SLC30A7: variants seen among roughly 807,000 people sequenced by gnomAD.
SLC30A7 encodes zinc transporter 7.
Under a neutral mutation model 46.0 loss-of-function variants are expected in SLC30A7, and 35 were observed. The ratio of observed to expected loss-of-function variants is 0.76; its 90% CI spans 0.58 to 1.01. The LOEUF (loss-of-function observed/expected upper bound fraction) is 1.01. Ranked by LOEUF, SLC30A7 falls within the 50% of genes least tolerant of loss-of-function variation. The pLI is 0.00. For synonymous variants in SLC30A7, 147 were observed against 157.8 expected (o/e 0.93, Z 0.51); for missense variants, 464 against 451.1 (o/e 1.03, Z -0.26).
At position 100,906,964 on chromosome 1, in the gene SLC30A7, G is replaced by A; in HGVS notation, c.295G>A (p.Gly99Arg). Residue 99 changes from glycine to arginine, a missense_variant and splice_region_variant, in exon 3 of 11, where the codon GGG (glycine) becomes AGG (arginine). By Grantham distance (125) the Gly-to-Arg change is moderately radical. Coordinates refer to ENST00000357650, the MANE Select transcript of SLC30A7 (RefSeq NM_133496.5). The stretch of plus-strand genomic sequence containing the variant: ...GAGAGATAATGATGCTTTCTCCTAT[G>A]GGTAAGACTTTAAGAAAAAAAATCT... ...KWRDNDAFSY[G>R]YVRAEVLAGF... 6.3e-7 allele frequency: 1 copy of A among 1,585,370 alleles called. No individual in the cohort carries two copies.
rs1656841408 is a variant in SLC30A7 at position 100,980,164 on chromosome 1, C to T, written c.*5307C>T. 6.6e-6 allele frequency: 1 copy of T among 152,028 alleles called. No homozygotes were observed. Among genetic ancestry groups the T allele is most frequent in the African/African-American group, 2.4e-5 (1 of 41,404 alleles). 9.4% of individuals were successfully genotyped at this position (152,028 alleles called of 1,614,324 possible). On this transcript the variant is annotated 3_prime_UTR_variant, in exon 11 of 11. Coordinates refer to ENST00000357650, the MANE Select transcript of SLC30A7 (RefSeq NM_133496.5). ...AAGGGACTGAATGAAAAGATAGTAC[C>T]CTTTGTGGCTGTATGAAGAGAGAAA... is the stretch of plus-strand genomic sequence containing the variant.
chr1:100,906,139 A>C (rs1651651518), intron 2 of SLC30A7, among the ~76,000 whole-genome samples: 1 of 152,278 alleles, frequency 6.6e-6, no homozygotes, highest in South Asian at 2.1e-4. Flanking sequence ...TGAATTTTTC[A>C]GTGGTTCCTA....
intron 10 of SLC30A7, chr1:100,972,354 T>C (rs1047822144): frequency 6.0e-5 from 14 of 232,714 alleles, no homozygotes; most frequent in Non-Finnish European, 8.4e-5. Flanking sequence ...GCAAAATGAC[T>C]TTTTTTTCTT....
intron 6 of SLC30A7, 137 bp downstream of exon 6, chr1:100,913,943 A>G: frequency 7.9e-7 from 1 of 1,265,564 alleles, no homozygotes; most frequent in Non-Finnish European, 1.1e-6. Context: ...AATGGTTCCC[A>G]GGGCTAGTTT....
At chr1:100,987,759 T>C in the SLC30A7 span, among the ~76,000 whole-genome samples, 1 of 152,114 alleles carries the variant, frequency 6.6e-6, no homozygotes, top group Non-Finnish European at 1.5e-5. Flanking sequence ...AGTCATTGTT[T>C]ATATGTTATA....
At chr1:100,941,938 A>C in intron 8 of SLC30A7, 1 of 293,488 alleles carries the variant, frequency 3.4e-6, no homozygotes, top group Admixed American at 4.3e-5. Flanking sequence ...CAACCCTCCA[A>C]TGAAAATGAA....
chr1:100,923,268 G>T (rs1291226430), intron 8 of SLC30A7, among the ~76,000 whole-genome samples: 2 of 105,688 alleles, frequency 1.9e-5, no homozygotes, highest in South Asian at 5.5e-4. Flanking sequence ...CGCCCGCCTC[G>T]GCCTCCCAAA....
intron 8 of SLC30A7, among the ~76,000 whole-genome samples, chr1:100,956,389 A>C (rs1655223117): frequency 6.6e-6 from 1 of 152,140 alleles, no homozygotes; most frequent in South Asian, 2.1e-4. Flanking sequence ...TATTTTTTAA[A>C]AAGGTGGTGG....
chr1:100,980,997 A>C lies in SLC30A7; in HGVS notation c.*6140A>C, dbSNP rs1402701869. 6.6e-6 allele frequency: 1 copy of C among 151,992 alleles called. No homozygotes were observed. Among genetic ancestry groups the C allele is most frequent in the African/African-American group, 2.4e-5 (1 of 41,410 alleles). 9.4% of individuals were successfully genotyped at this position (151,992 alleles called of 1,614,324 possible). On this transcript the variant is annotated 3_prime_UTR_variant, in exon 11 of 11. Coordinates refer to ENST00000357650, the MANE Select transcript of SLC30A7 (RefSeq NM_133496.5). ...TACTGATTTAAATATTCCCAGAATT[A>C]TTTTTTACCTTTCTCTTTTTCCTCT...
At chr1:100,924,680 G>C (rs376819374) in intron 8 of SLC30A7, among the ~76,000 whole-genome samples, 1 of 135,630 alleles carries the variant, frequency 7.4e-6, no homozygotes, top group East Asian at 2.1e-4. Flanking sequence ...AAAAAAAAAA[G>C]AAAAAAAAAA....
At position 100,981,444 on chromosome 1, in the gene SLC30A7, CAT is replaced by C. The variant is rs2101113662; in HGVS notation, c.*6590_*6591del. 1 of 152,264 alleles carries C rather than the reference CAT, an allele frequency of 6.6e-6. No individual in the cohort carries two copies. Among genetic ancestry groups the C allele is most frequent in the Non-Finnish European group, 1.5e-5 (1 of 67,990 alleles). 9.4% of individuals were successfully genotyped at this position (152,264 alleles called of 1,614,324 possible). ...CTCCCTGCCTTTAGTGGTATTTAAA[CAT>C]ATGGCCAAGTTAGTATTTGGGTTTG... On this transcript the variant is annotated 3_prime_UTR_variant, in exon 11 of 11. Coordinates refer to ENST00000357650, the MANE Select transcript of SLC30A7 (RefSeq NM_133496.5).
intron 8 of SLC30A7, among the ~76,000 whole-genome samples, chr1:100,960,216 C>T (rs1282666200): frequency 6.6e-6 from 1 of 152,098 alleles, no homozygotes; most frequent in Non-Finnish European, 1.5e-5. Context: ...TTCATTAGAT[C>T]CAGTTAGACA....
the SLC30A7 span, among the ~76,000 whole-genome samples, chr1:100,993,571 T>C: frequency 1.9e-4 from 15 of 78,836 alleles, no homozygotes; most frequent in African/African-American, 7.5e-4. Context: ...TATATATATA[T>C]ATATATATAT....
At chr1:100,908,254 G>T (rs1308104699) in intron 3 of SLC30A7, among the ~76,000 whole-genome samples, 1 of 151,402 alleles carries the variant, frequency 6.6e-6, no homozygotes, top group Non-Finnish European at 1.5e-5. Flanking sequence ...TCTTTCTTTA[G>T]CAGGCACACA....
At chr1:100,971,830 G>A (rs1446573052) in intron 10 of SLC30A7, among the ~76,000 whole-genome samples, 1 of 152,036 alleles carries the variant, frequency 6.6e-6, no homozygotes, top group African/African-American at 2.4e-5. Flanking sequence ...ATGTACAGTC[G>A]AAATAATTTT....
intron 8 of SLC30A7, among the ~76,000 whole-genome samples, chr1:100,954,785 C>T (rs1241981206): frequency 1.3e-5 from 2 of 151,988 alleles, no homozygotes; most frequent in Non-Finnish European, 2.9e-5. Context: ...AGGTAATTAT[C>T]CATCACTATG....
chr1:100,941,962 C>T (rs1050968435), intron 8 of SLC30A7: 5 of 281,208 alleles, frequency 1.8e-5, no homozygotes, highest in East Asian at 8.1e-5. Flanking sequence ...CTTCCACAGC[C>T]ATTCGGGCTC....
intron 6 of SLC30A7, among the ~76,000 whole-genome samples, chr1:100,914,956 C>G (rs1652382881): frequency 6.6e-6 from 1 of 152,008 alleles, no homozygotes; most frequent in African/African-American, 2.4e-5. Flanking sequence ...TCTAACTACT[C>G]TATTGAGATA....
At chr1:100,956,310 T>C (rs891019372) in intron 8 of SLC30A7, among the ~76,000 whole-genome samples, 1 of 152,168 alleles carries the variant, frequency 6.6e-6, no homozygotes, top group African/African-American at 2.4e-5. Context: ...TCTTTACTAA[T>C]TCTAGAGTCC....
Sources: allele counts gnomAD v4.1 joint callset (sites outside exome capture counted in the v4.1 genomes callset), GRCh38; gene constraint gnomAD v4.1.1; transcripts MANE v1.5; gene names NCBI Gene and HGNC (gene_info 2026-07-23, HGNC 2026-07-21).